The following SLC9A7 variants were observed in gnomAD, a reference collection of about 807,000 sequenced individuals.
The protein encoded by SLC9A7 is solute carrier family 9 member A7.
In SLC9A7, 19 loss-of-function variants were observed where a neutral mutation model predicts 52.6. That is an observed-to-expected ratio of 0.36 (90% CI 0.25 to 0.53). The LOEUF (loss-of-function observed/expected upper bound fraction) is 0.53. Among genes scored for constraint, SLC9A7 ranks in the 20% least tolerant of loss-of-function variants. The pLI is 0.91. For missense variants in SLC9A7, 455 were observed against 597.9 expected, an observed-to-expected ratio of 0.76 and a Z score of 2.49; for synonymous variants, 226 against 252.1, an observed-to-expected ratio of 0.90 and a Z score of 0.98.
In SLC9A7 at chrX:46,599,481, A is replaced by AGTT. The variant is rs760722105; in HGVS notation, c.*7468_*7470dup. 10 of 112,387 alleles carry AGTT rather than the reference A, an allele frequency of 8.9e-5. No individual in the cohort carries two copies. The South Asian group carries it at 3.3e-3, about 37-fold the overall frequency. 9.3% of individuals were successfully genotyped at this position (112,387 alleles called of 1,213,427 possible). On this transcript the variant is annotated 3_prime_UTR_variant, in exon 17 of 17. Coordinates refer to ENST00000616978, the MANE Select transcript of SLC9A7 (RefSeq NM_001257291.2). ...CAAAACAAAATTAGCTCAGCCAGTT[A>AGTT]GTTGTTTTATTTTGAGTTTTGTTTT...
chrX:46,750,067 C>T (rs1309567765), intron 1 of SLC9A7, among the ~76,000 whole-genome samples: 2 of 108,837 alleles, frequency 1.8e-5, no homozygotes, highest in African/African-American at 3.4e-5. Context: ...GGGGACAGAG[C>T]AAGACTCTGT....
chrX:46,631,052 G>T (rs754067312), intron 14 of SLC9A7, among the ~76,000 whole-genome samples: 1 of 112,203 alleles, frequency 8.9e-6, no homozygotes, highest in Non-Finnish European at 1.9e-5. Flanking sequence ...ACCTTTGCAT[G>T]ATTCCAGCCC....
intron 1 of SLC9A7, among the ~76,000 whole-genome samples, chrX:46,745,726 T>A (rs891310186): frequency 3.4e-4 from 37 of 109,398 alleles, no homozygotes; most frequent in African/African-American, 1.1e-3. Context: ...GTGCCTGTAG[T>A]CCTATCTACT....
At position 46,636,905 on chromosome X, in the gene SLC9A7, A is replaced by G. The variant is rs141286504; in HGVS notation, c.1617-1257T>C. ...CGATGCTTCTTAAGGTGGTACTTTTAATTAGTTACATGTTCAGAATGTGAC... is the reference window on the plus strand; with the variant it reads ...CGATGCTTCTTAAGGTGGTACTTTTGATTAGTTACATGTTCAGAATGTGAC... On this transcript the variant is annotated intron_variant, in intron 12 of 16. Coordinates refer to ENST00000616978, the MANE Select transcript of SLC9A7 (RefSeq NM_001257291.2). Among the ~76,000 whole-genome samples, 888 of 112,228 alleles carry G rather than the reference A, an allele frequency of 7.9e-3. 8 individuals are homozygous for G. The highest frequency in any genetic ancestry group is 0.027 in the African/African-American group (847 of 30,915).
At chrX:46,748,227 T>A (rs1411851101) in intron 1 of SLC9A7, among the ~76,000 whole-genome samples, 1 of 109,379 alleles carries the variant, frequency 9.1e-6, no homozygotes, top group African/African-American at 3.3e-5. Flanking sequence ...ATGCCTGTAA[T>A]CCCAGCTACT....
chrX:46,646,087 T>G (rs781557953), intron 11 of SLC9A7, among the ~76,000 whole-genome samples: 1 of 111,310 alleles, frequency 9.0e-6, no homozygotes, highest in Admixed American at 9.6e-5. Flanking sequence ...TTTTTTTGTT[T>G]TTGTTTTTGT....
chrX:46,607,323 T>C (rs1430753782), intron 16 of SLC9A7, 120 bp from the exon 17 acceptor site: 23 of 838,526 alleles, frequency 2.7e-5, no homozygotes, highest in Non-Finnish European at 3.8e-5. Flanking sequence ...GAAACTTGCC[T>C]GCCTTGAGCC....
intron 1 of SLC9A7, among the ~76,000 whole-genome samples, chrX:46,709,202 G>A (rs1207497312): frequency 3.6e-5 from 4 of 110,531 alleles, no homozygotes; most frequent in African/African-American, 9.9e-5. Flanking sequence ...CCAGGAGTTC[G>A]AGACCGGCGT....
intron 4 of SLC9A7, among the ~76,000 whole-genome samples, chrX:46,671,206 G>A (rs1053998631): frequency 5.4e-5 from 6 of 111,466 alleles, no homozygotes; most frequent in Admixed American, 1.9e-4. Context: ...ACCACATGGC[G>A]TTTAGTCATC....
At chrX:46,717,738 G>C (rs1028806414) in intron 1 of SLC9A7, among the ~76,000 whole-genome samples, 1 of 111,109 alleles carries the variant, frequency 9.0e-6, no homozygotes, top group Non-Finnish European at 1.9e-5. Context: ...CAACTTTCAA[G>C]GGCTGTGAAA....
At chrX:46,646,078 TTTTTTG>T (rs1008939591) in intron 11 of SLC9A7, among the ~76,000 whole-genome samples, 42 of 111,806 alleles carry the variant, frequency 3.8e-4, no homozygotes, top group South Asian at 1.1e-3. Flanking sequence ...GAAACTGTTT[TTTTTTG>T]TTTTTGTTTT....
chrX:46,725,835 GA>G (rs1276255502), intron 1 of SLC9A7: 7 of 575,880 alleles, frequency 1.2e-5, no homozygotes, highest in Non-Finnish European at 2.1e-5. Flanking sequence ...CGGCCGCAAA[GA>G]AACCCAAACA....
intron 1 of SLC9A7, among the ~76,000 whole-genome samples, chrX:46,741,846 GA>G (rs1299488910): frequency 2.9e-4 from 29 of 100,757 alleles, no homozygotes; most frequent in Non-Finnish European, 3.5e-4. Flanking sequence ...ATACTGAAAA[GA>G]AAAAAAAAAC....
chrX:46,666,672 A>C (rs1034149348), intron 5 of SLC9A7, among the ~76,000 whole-genome samples: 2 of 112,192 alleles, frequency 1.8e-5, no homozygotes, highest in African/African-American at 6.5e-5. Context: ...TAGCATAGAC[A>C]CATTAAAGGG....
intron 14 of SLC9A7, among the ~76,000 whole-genome samples, chrX:46,626,753 T>G (rs1345865995): frequency 8.9e-6 from 1 of 111,847 alleles, no homozygotes; most frequent in Non-Finnish European, 1.9e-5. Flanking sequence ...GTGCGGCACT[T>G]CCCCCTTGCT....
At chrX:46,696,472 A>G (rs146983872) in intron 1 of SLC9A7, among the ~76,000 whole-genome samples, 3 of 111,645 alleles carry the variant, frequency 2.7e-5, no homozygotes, top group African/African-American at 6.5e-5. Context: ...ATAAATCAAT[A>G]ATTCTATCCT....
At chrX:46,657,019 A>G (rs1450445615) in intron 7 of SLC9A7, among the ~76,000 whole-genome samples, 3 of 107,604 alleles carry the variant, frequency 2.8e-5, no homozygotes, top group Non-Finnish European at 5.8e-5. Flanking sequence ...CTAACAGCGG[A>G]TCTCTCGGCA....
At chrX:46,685,257 C>T (rs754942029) in intron 1 of SLC9A7, 1 of 113,463 alleles carries the variant, frequency 8.8e-6, no homozygotes, top group African/African-American at 3.3e-5. Context: ...TGGAACTCCA[C>T]CAGGGCCTGC....
Position 46,725,818 on chromosome X carries a change from T to C in SLC9A7, c.325+32887A>G, listed in dbSNP as rs1401811885. 14 of 655,352 alleles carry C rather than the reference T, an allele frequency of 2.1e-5. No homozygotes were observed. The African/African-American group carries it at 2.4e-4, about 11-fold the overall frequency. The allele number at this position is 655,352 out of a possible 1,213,427, so 54.0% of individuals were successfully genotyped here. ...TTCACTTTCCCGAAGAATTGGTTGA[T>C]CTTGAGCGGCCGCAAAGAAACCCAA... On this transcript the variant is annotated intron_variant, in intron 1 of 16. Transcript: ENST00000616978.
Sources: gnomAD v4.1 joint callset for allele counts (sites outside exome capture counted in the v4.1 genomes callset) on GRCh38, gnomAD v4.1.1 for gene constraint, MANE v1.5 for transcripts, NCBI Gene and HGNC (gene_info 2026-07-23, HGNC 2026-07-21) for gene names.